GALNT17: variants seen among roughly 807,000 people sequenced by gnomAD.
GALNT17 encodes polypeptide N-acetylgalactosaminyltransferase 17.
In GALNT17, 29 loss-of-function variants were observed where a neutral mutation model predicts 63.7. The ratio of observed to expected loss-of-function variants is 0.46; its 90% confidence interval spans 0.34 to 0.62. The LOEUF (loss-of-function observed/expected upper bound fraction) is 0.62, where lower values mean the gene tolerates loss of function less well. Among genes scored for constraint, GALNT17 ranks in the 20% least tolerant of loss-of-function variants. The pLI is 0.01. For missense variants in GALNT17, 603 were observed against 799.6 expected, an observed-to-expected ratio of 0.75 and a Z score of 2.97; for synonymous variants, 305 against 318.3, an observed-to-expected ratio of 0.96 and a Z score of 0.45.
intron 2 of GALNT17, among the ~76,000 whole-genome samples, chr7:71,367,445 G>A (rs1274252516): frequency 6.6e-6 from 1 of 152,178 alleles, no homozygotes; most frequent in African/African-American, 2.4e-5. Context: ...CATAATGACA[G>A]CCGAGAAGGG....
At chr7:71,171,248 C>T (rs1454993370) in intron 1 of GALNT17, among the ~76,000 whole-genome samples, 1 of 152,172 alleles carries the variant, frequency 6.6e-6, no homozygotes, top group Non-Finnish European at 1.5e-5. Flanking sequence ...GGCATGTTGG[C>T]CCACACCTGT....
At chr7:71,373,348 G>T (rs1792661736) in intron 2 of GALNT17, among the ~76,000 whole-genome samples, 1 of 152,188 alleles carries the variant, frequency 6.6e-6, no homozygotes, top group Non-Finnish European at 1.5e-5. Flanking sequence ...GCTTTCTGCG[G>T]TGTGACTCAG....
chr7:71,416,188 C>T lies in GALNT17; in HGVS notation c.764+125C>T, dbSNP rs866088434. On this transcript the variant is annotated intron_variant, in intron 4 of 10. Transcript: ENST00000333538. ...GGCACTGGGAGACTAGAGAGAGACTCGTCAAAGAAGAAAGTGAGACCATTG... is the reference window on the plus strand; with the variant it reads ...GGCACTGGGAGACTAGAGAGAGACTTGTCAAAGAAGAAAGTGAGACCATTG... 9.6e-6 allele frequency: 11 copies of T among 1,149,272 alleles called. 1 individual carries two copies. In the South Asian group the frequency reaches 1.2e-4, roughly 12 times the overall value. 71.2% of individuals were successfully genotyped at this position (1,149,272 alleles called of 1,614,324 possible).
intron 1 of GALNT17, among the ~76,000 whole-genome samples, chr7:71,147,160 T>G (rs1200760943): frequency 6.6e-6 from 1 of 152,152 alleles, no homozygotes; most frequent in East Asian, 1.9e-4. Flanking sequence ...GAATAACATC[T>G]CTTTCCCTCA....
At chr7:71,133,161 G>A in intron 1 of GALNT17, 121 bp downstream of exon 1, 3 of 869,822 alleles carry the variant, frequency 3.4e-6, no homozygotes, top group South Asian at 1.9e-5. Flanking sequence ...GCTCCCGCGC[G>A]CTCCTTCTTA....
At chr7:71,617,011 CAT>C (rs1203014719) in intron 6 of GALNT17, among the ~76,000 whole-genome samples, 4 of 99,378 alleles carry the variant, frequency 4.0e-5, no homozygotes, top group Admixed American at 2.8e-4. Flanking sequence ...ATTAATTACA[CAT>C]TAAATACTAT....
intron 5 of GALNT17, among the ~76,000 whole-genome samples, chr7:71,524,599 G>A (rs1788593979): frequency 6.6e-6 from 1 of 152,114 alleles, no homozygotes; most frequent in African/African-American, 2.4e-5. Flanking sequence ...TTTGAAGGAG[G>A]ATGTTCAAGA....
At chr7:71,610,166 C>T (rs763327939) in intron 6 of GALNT17, among the ~76,000 whole-genome samples, 77 of 152,052 alleles carry the variant, frequency 5.1e-4, no homozygotes, top group Non-Finnish European at 8.1e-4. Context: ...AATAAAAAGA[C>T]CCCTGATGGA....
At chr7:71,432,531 A>C (rs1786886203) in intron 5 of GALNT17, among the ~76,000 whole-genome samples, 2 of 152,200 alleles carry the variant, frequency 1.3e-5, no homozygotes, top group South Asian at 4.1e-4. Flanking sequence ...GTCTCCCAGA[A>C]GCTGATCCAG....
At chr7:71,447,243 T>C (rs902058752) in intron 5 of GALNT17, among the ~76,000 whole-genome samples, 8 of 152,198 alleles carry the variant, frequency 5.3e-5, no homozygotes, top group African/African-American at 7.2e-5. Flanking sequence ...TTGTCCAACA[T>C]GGCTACAAAT....
chr7:71,486,677 G>A (rs941496935), intron 5 of GALNT17, among the ~76,000 whole-genome samples: 10 of 151,178 alleles, frequency 6.6e-5, no homozygotes, highest in Non-Finnish European at 1.2e-4. Flanking sequence ...GCAACATAGT[G>A]AGATCCCATC....
chr7:71,671,474 G>T (rs1791068560), intron 8 of GALNT17, among the ~76,000 whole-genome samples: 1 of 152,188 alleles, frequency 6.6e-6, no homozygotes, highest in African/African-American at 2.4e-5. Flanking sequence ...TAAGTCATCA[G>T]GGTGTAGAGT....
At position 71,669,959 on chromosome 7, in the gene GALNT17, T is replaced by C. The variant is rs745633748; in HGVS notation, c.1267-13T>C. ...ACAGTCACTAACACCCCTTGGCTTC[T>C]CTCTCCTTTCAGAATCCGGGAATTG... On this transcript the variant is annotated splice_polypyrimidine_tract_variant and intron_variant, in intron 7 of 10. Transcript: ENST00000333538. 6 of 1,613,768 alleles carry C rather than the reference T, an allele frequency of 3.7e-6. No individual in the cohort carries two copies. Among genetic ancestry groups the C allele is most frequent in the Non-Finnish European group, 4.2e-6 (5 of 1,179,798 alleles).
chr7:71,420,281 CTG>C (rs1180325385), intron 4 of GALNT17, among the ~76,000 whole-genome samples: 1 of 152,186 alleles, frequency 6.6e-6, no homozygotes, highest in Non-Finnish European at 1.5e-5. Context: ...AGCTGGGATT[CTG>C]CCTGCCTTTG....
chr7:71,458,761 G>A (rs745437484), intron 5 of GALNT17, among the ~76,000 whole-genome samples: 10 of 152,208 alleles, frequency 6.6e-5, no homozygotes, highest in African/African-American at 1.7e-4. Flanking sequence ...CTCTCCAACC[G>A]TCCCCAGCTG....
intron 5 of GALNT17, among the ~76,000 whole-genome samples, chr7:71,490,692 G>T (rs867844341): frequency 6.6e-6 from 1 of 151,936 alleles, no homozygotes; most frequent in South Asian, 2.1e-4. Context: ...TTGAGGCCAG[G>T]AGTTTGAGAC....
At chr7:71,134,191 A>ATT (rs1197429669) in intron 1 of GALNT17, among the ~76,000 whole-genome samples, 1 of 152,198 alleles carries the variant, frequency 6.6e-6, no homozygotes, top group African/African-American at 2.4e-5. Flanking sequence ...CGGAATAATA[A>ATT]TAGAGTCTGG....
intron 1 of GALNT17, among the ~76,000 whole-genome samples, chr7:71,325,640 A>G (rs757865835): frequency 1.1e-4 from 16 of 151,904 alleles, no homozygotes; most frequent in Non-Finnish European, 2.2e-4. Flanking sequence ...TACAACCTTG[A>G]CTCTTTTGTT....
At chr7:71,547,921 TGA>T (rs1014202858) in intron 5 of GALNT17, among the ~76,000 whole-genome samples, 2 of 151,962 alleles carry the variant, frequency 1.3e-5, no homozygotes, top group African/African-American at 4.8e-5. Context: ...GAGAGCCATG[TGA>T]GAGAGTTAAA....
Sources: gnomAD v4.1 joint callset for allele counts (sites outside exome capture counted in the v4.1 genomes callset) on GRCh38, gnomAD v4.1.1 for gene constraint, MANE v1.5 for transcripts, NCBI Gene and HGNC (gene_info 2026-07-23, HGNC 2026-07-21) for gene names.